LILRA5: variants seen among roughly 807,000 people sequenced by gnomAD.
LILRA5 encodes the protein leukocyte immunoglobulin-like receptor subfamily A member 5.
Under a neutral mutation model 36.3 loss-of-function variants are expected in LILRA5, and 31 were observed. The ratio of observed to expected loss-of-function variants is 0.85; its 90% CI spans 0.64 to 1.15. LILRA5 has a LOEUF of 1.15. Ranked by LOEUF, LILRA5 falls within the 50% of genes most tolerant of loss-of-function variation. The pLI, the probability that LILRA5 is intolerant of heterozygous loss-of-function variation, is 0.00. For synonymous variants in LILRA5, 144 were observed against 144.8 expected (o/e 0.99, Z 0.04); for missense variants, 348 against 377.4 (o/e 0.92, Z 0.64).
intron 5 of LILRA5, chr19:54,308,354 AATATATATATAT>A (rs60172604): frequency 8.2e-3 from 152 of 18,458 alleles, no homozygotes; most frequent in African/African-American, 9.9e-3. Context: ...TGTATATATA[AATATATATATAT>A]ATATATATAT....
At chr19:54,308,375 ATATATATATAT>A (rs2080935401) in intron 5 of LILRA5, 5 of 50,204 alleles carry the variant, frequency 1.0e-4, no homozygotes, top group Non-Finnish European at 1.7e-4. Context: ...ATATATATAT[ATATATATATAT>A]ATATATATAT....
Position 54,307,485 on chromosome 19 carries a change from C to T in LILRA5, c.828G>A (p.Leu276=), listed in dbSNP as rs371322633. The T allele has an allele frequency of 1.2e-6, 2 of 1,613,938 alleles. No homozygotes were observed. Among genetic ancestry groups the T allele is most frequent in the Non-Finnish European group, 1.7e-6 (2 of 1,180,016 alleles). The change falls in exon 7 of 7, where the codon CTG becomes CTA. Residue 276 remains leucine, a synonymous_variant. Coordinates refer to ENST00000432233, the MANE Select transcript of LILRA5 (RefSeq NM_021250.4). ...LIRMGMAGLI[L]VVLGILIFQD... ...GAAATATCAGAATCCCAAGGACCAC[C>T]AGGATCAAGCCGGCCATGCCCATGC... is the stretch of plus-strand genomic sequence containing the variant.
chr19:54,311,192 G>A (rs1056751311), intron 5 of LILRA5: 12 of 1,285,602 alleles, frequency 9.3e-6, no homozygotes, highest in Non-Finnish European at 1.2e-5. Context: ...CTGACATCAG[G>A]TGATCCACCT....
intron 5 of LILRA5, chr19:54,308,471 G>A (rs1292839051): frequency 6.8e-6 from 1 of 147,096 alleles, no homozygotes; most frequent in African/African-American, 2.5e-5. Flanking sequence ...GCTCATGCCT[G>A]TAATCCCAGC....
At position 54,311,466 on chromosome 19, in the gene LILRA5, A is replaced by G. The variant is rs1339035949; in HGVS notation, c.660T>C (p.His220=). ...WMLRCYGSRR[H]ILQVWSEPSD... ...TGGGTTCTGACCATACCTGCAGGATATGCCTGCGAGAGCCATAGCATCTGA... is the reference window on the plus strand; with the variant it reads ...TGGGTTCTGACCATACCTGCAGGATGTGCCTGCGAGAGCCATAGCATCTGA... Residue 220 remains histidine, a synonymous_variant, in exon 5 of 7, where the codon CAT becomes CAC. Coordinates refer to ENST00000432233, the MANE Select transcript of LILRA5 (RefSeq NM_021250.4). 5 of 1,613,992 alleles carry G rather than the reference A, an allele frequency of 3.1e-6. No individual in the cohort carries two copies.
At chr19:54,308,203 C>T (rs1032684895) in intron 5 of LILRA5, 9 of 171,842 alleles carry the variant, frequency 5.2e-5, no homozygotes, top group Admixed American at 3.8e-4. Context: ...AAACAGCTGC[C>T]TCCCCTTGAC....
intron 5 of LILRA5, 170 bp from the exon 6 acceptor site, chr19:54,307,918 C>T (rs1397664670): frequency 4.9e-6 from 3 of 608,548 alleles, no homozygotes; most frequent in East Asian, 5.5e-5. Flanking sequence ...CCAGTCTCCT[C>T]ACTGAATTAT....
intron 1 of LILRA5, 141 bp from the exon 2 acceptor site, chr19:54,312,762 G>A: frequency 1.1e-6 from 1 of 898,996 alleles, no homozygotes; most frequent in Non-Finnish European, 1.7e-6. Flanking sequence ...GGGCTGAAGT[G>A]AAGTAGTTGA....
intron 1 of LILRA5, 156 bp from the exon 2 acceptor site, chr19:54,312,777 A>C (rs531740777): frequency 6.1e-5 from 50 of 823,744 alleles, no homozygotes; most frequent in Non-Finnish European, 9.1e-5. Context: ...AGTTGAGACT[A>C]CAGGCACCAG....
intron 5 of LILRA5, chr19:54,308,942 G>T (rs1174325539): frequency 6.6e-6 from 1 of 151,992 alleles, no homozygotes; most frequent in African/African-American, 2.4e-5. Flanking sequence ...ATTTATTTAA[G>T]ATGCAGTTAC....
Position 54,311,540 on chromosome 19 carries a change from G to A in LILRA5, c.586C>T (p.Gln196Ter), listed in dbSNP as rs1430887135. Residue 196 changes from glutamine to a stop codon, truncating the protein, a stop_gained, in exon 5 of 7, where the codon CAG becomes TAG. Transcript: ENST00000432233. LOFTEE classifies it high-confidence loss of function. ...ACAGGGCCCACAGGGAACAGGGCCTGGAACTGCCCACTGGGGGTCAGCTGT... is the reference window on the plus strand; with the variant it reads ...ACAGGGCCCACAGGGAACAGGGCCTAGAACTGCCCACTGGGGGTCAGCTGT... The part of the protein sequence containing the change: ...DSQLTPSGQF[Q>*]ALFPVGPVTP... 2 of 1,614,050 alleles carry A rather than the reference G, an allele frequency of 1.2e-6. No individual in the cohort carries two copies. Among genetic ancestry groups the A allele is most frequent in the South Asian group, 2.2e-5 (2 of 91,094 alleles).
In LILRA5 at chr19:54,312,622, C is replaced by A. The variant is rs549778756; in HGVS notation, c.4-1G>T. 7.0e-5 allele frequency: 113 copies of A among 1,614,130 alleles called. 1 individual carries two copies. In the South Asian group the frequency reaches 1.1e-3, roughly 16 times the overall value. On this transcript the variant is annotated splice_acceptor_variant, in intron 1 of 6. Transcript: ENST00000432233. LOFTEE classifies it high-confidence loss of function. ...GTGCAGATGGATGAGACCATGGTGC[C>A]TGGCAGGACAGAGAGACACACAGGG...
intron 5 of LILRA5, chr19:54,310,820 G>T: frequency 8.2e-6 from 2 of 242,836 alleles, no homozygotes; most frequent in Non-Finnish European, 8.7e-6. Flanking sequence ...TTCTCTCCAG[G>T]GACCACAACA....
intron 5 of LILRA5, chr19:54,308,354 AATATATATATATATATATAT>A (rs60172604): frequency 0.016 from 301 of 18,490 alleles, 2 homozygotes; most frequent in African/African-American, 0.076. Context: ...TGTATATATA[AATATATATATATATATATAT>A]ATATATATAT....
At chr19:54,311,820 C>T (rs771749767) in intron 4 of LILRA5, 44 bp downstream of exon 4, 2 of 1,613,794 alleles carry the variant, frequency 1.2e-6, no homozygotes, top group South Asian at 2.2e-5. Context: ...GACCCCCTTC[C>T]TGAGGGCAGA....
Position 54,311,415 on chromosome 19 carries a change from T to C in LILRA5, c.711A>G (p.Ser237=). ...EPSDLLEIPV[S]GAADNLSPSQ... ...TAGAGAAGACTGTGGCTTCCTCACC[T>C]GAGACCGGAATCTCCAGGAGGTCAC... is the stretch of plus-strand genomic sequence containing the variant. The change falls in exon 5 of 7, where the codon TCA becomes TCG. Residue 237 remains serine (S), a splice_region_variant and synonymous_variant. Coordinates refer to ENST00000432233, the MANE Select transcript of LILRA5 (RefSeq NM_021250.4). 1 of 1,614,220 alleles carries C rather than the reference T, an allele frequency of 6.2e-7. No individual in the cohort carries two copies. The highest frequency in any genetic ancestry group is 8.5e-7 in the Non-Finnish European group (1 of 1,180,024).
At position 54,312,084 on chromosome 19, in the gene LILRA5, C is replaced by G. The variant is rs750025553; in HGVS notation, c.189G>C (p.Val63=). ...CCAGGGTCCCCTGACACCGGATGGT[C>G]ACAGAGTTCCCCCGGCTGATCACAG... The part of the protein sequence containing the change: ...PGSVISRGNS[V]TIRCQGTLEA... Residue 63 remains valine, a synonymous_variant, in exon 4 of 7, where the codon GTG becomes GTC. Coordinates refer to ENST00000432233, the MANE Select transcript of LILRA5 (RefSeq NM_021250.4). 20 of 1,614,018 alleles carry G rather than the reference C, an allele frequency of 1.2e-5. No individual in the cohort carries two copies. In the East Asian group the frequency reaches 3.8e-4, roughly 31 times the overall value.
intron 5 of LILRA5, chr19:54,308,796 T>G (rs1238495831): frequency 6.6e-6 from 1 of 152,046 alleles, no homozygotes; most frequent in East Asian, 1.9e-4. Flanking sequence ...ATAACAAACA[T>G]GTAAAAGCCC....
At chr19:54,311,107 C>T (rs1195007141) in intron 5 of LILRA5, 10 of 451,728 alleles carry the variant, frequency 2.2e-5, no homozygotes, top group East Asian at 6.6e-5. Flanking sequence ...AGGTGTGTGC[C>T]GCCACGCCCA....
Sources: allele counts gnomAD v4.1 joint callset, GRCh38; gene constraint gnomAD v4.1.1; transcripts MANE v1.5; gene names NCBI Gene and HGNC (gene_info 2026-07-23, HGNC 2026-07-21).